The following TBC1D22A variants were observed in gnomAD, a reference collection of about 807,000 sequenced individuals.
The protein encoded by TBC1D22A is TBC1 domain family member 22A, also known as putative GTPase activator.
TBC1D22A carries 38 observed loss-of-function variants against 60.2 expected under a neutral mutation model. That is an observed-to-expected ratio of 0.63 (90% CI 0.49 to 0.83). The LOEUF (loss-of-function observed/expected upper bound fraction) is 0.83, where lower values mean the gene tolerates loss of function less well. Ranked by LOEUF, TBC1D22A falls within the 40% of genes least tolerant of loss-of-function variation. TBC1D22A has a pLI of 0.00. For missense variants in TBC1D22A, 628 were observed against 701.0 expected (o/e 0.90, Z 1.18); for synonymous variants, 302 against 281.7 (o/e 1.07, Z -0.72).
At chr22:46,920,931 C>T (rs1441595269) in intron 8 of TBC1D22A, among the ~76,000 whole-genome samples, 10 of 151,730 alleles carry the variant, frequency 6.6e-5, no homozygotes, top group Admixed American at 1.3e-4. Context: ...CCACCATGCC[C>T]GGCTAATTTT....
chr22:47,068,283 A>G (rs2063848036), intron 11 of TBC1D22A, among the ~76,000 whole-genome samples: 1 of 152,350 alleles, frequency 6.6e-6, no homozygotes, highest in East Asian at 1.9e-4. Flanking sequence ...CTCTGCCGGC[A>G]TCATTGGGTA....
intron 1 of TBC1D22A, among the ~76,000 whole-genome samples, chr22:46,765,671 C>A (rs780533945): frequency 2.0e-5 from 3 of 151,746 alleles, no homozygotes; most frequent in Non-Finnish European, 2.9e-5. Flanking sequence ...TTCGCCATGT[C>A]GGCCAGGCTA....
chr22:46,917,909 G>C (rs76427997), intron 8 of TBC1D22A, among the ~76,000 whole-genome samples: 212 of 152,284 alleles, frequency 1.4e-3, no homozygotes, highest in African/African-American at 4.7e-3. Flanking sequence ...AGTCCAGGTG[G>C]CTCCTGCTGC....
intron 8 of TBC1D22A, among the ~76,000 whole-genome samples, chr22:46,942,008 C>CATATATAT (rs1555960665): frequency 1.5e-5 from 2 of 133,630 alleles, no homozygotes; most frequent in Non-Finnish European, 3.2e-5. Context: ...CACCAGCATA[C>CATATATAT]ATATATATAT....
chr22:46,793,645 C>T lies in TBC1D22A; in HGVS notation c.264C>T (p.Ser88=), dbSNP rs768287353. 7 of 1,613,568 alleles carry T rather than the reference C, an allele frequency of 4.3e-6. No individual in the cohort carries two copies. Among genetic ancestry groups the T allele is most frequent in the Non-Finnish European group, 5.9e-6 (7 of 1,180,048 alleles). The part of the protein sequence containing the change: ...DDELLAMAAE[S]LNSEVVMETA... ...AGCTCCTGGCCATGGCGGCGGAGAG[C>T]CTGAACTCCGAGGTGGTCATGGAGA... Residue 88 remains serine (S), a synonymous_variant, in exon 3 of 13, where the codon AGC becomes AGT. Transcript: ENST00000337137.
intron 12 of TBC1D22A, among the ~76,000 whole-genome samples, chr22:47,118,672 C>T (rs2066159891): frequency 6.6e-6 from 1 of 151,946 alleles, no homozygotes; most frequent in African/African-American, 2.4e-5. Flanking sequence ...TGTAGAATTC[C>T]TAAGTACATC....
intron 12 of TBC1D22A, among the ~76,000 whole-genome samples, chr22:47,114,777 C>G (rs1194305826): frequency 6.6e-6 from 1 of 152,126 alleles, no homozygotes; most frequent in Non-Finnish European, 1.5e-5. Flanking sequence ...GAATCCTTTT[C>G]TGATTCCCAG....
intron 12 of TBC1D22A, among the ~76,000 whole-genome samples, chr22:47,133,517 G>A (rs2066753761): frequency 6.6e-6 from 1 of 152,210 alleles, no homozygotes; most frequent in African/African-American, 2.4e-5. Context: ...CAATGCCGTT[G>A]TGAAATTCTG....
chr22:47,122,800 G>C (rs936505439), intron 12 of TBC1D22A, among the ~76,000 whole-genome samples: 5 of 152,322 alleles, frequency 3.3e-5, no homozygotes, highest in African/African-American at 1.2e-4. Flanking sequence ...CCCTGGCCTC[G>C]GAAGCTGGTG....
At chr22:47,164,734 C>T (rs2068130312) in intron 12 of TBC1D22A, among the ~76,000 whole-genome samples, 2 of 152,188 alleles carry the variant, frequency 1.3e-5, no homozygotes, top group South Asian at 4.1e-4. Flanking sequence ...TCACTGGGGT[C>T]GCTCCGCTGG....
At chr22:47,113,197 C>T (rs1047437746) in intron 12 of TBC1D22A, among the ~76,000 whole-genome samples, 8 of 152,242 alleles carry the variant, frequency 5.3e-5, no homozygotes, top group African/African-American at 1.9e-4. Flanking sequence ...TTGGTTCCCA[C>T]CGGCCAGCAC....
At chr22:46,828,526 T>G (rs774909931) in intron 4 of TBC1D22A, among the ~76,000 whole-genome samples, 2 of 152,248 alleles carry the variant, frequency 1.3e-5, no homozygotes, top group Non-Finnish European at 2.9e-5. Context: ...CTGGGCCGCT[T>G]TGGGAGTCTC....
At chr22:46,860,458 T>C (rs534090716) in intron 4 of TBC1D22A, among the ~76,000 whole-genome samples, 9 of 55,298 alleles carry the variant, frequency 1.6e-4, no homozygotes, top group Middle Eastern at 8.1e-3. Flanking sequence ...TCCTTTTCCA[T>C]AGAGGTCCGC....
chr22:46,910,387 CCAGT>C (rs1237908360), intron 7 of TBC1D22A, among the ~76,000 whole-genome samples: 1 of 152,084 alleles, frequency 6.6e-6, no homozygotes, highest in Admixed American at 6.6e-5. Flanking sequence ...CCTACCAAGC[CCAGT>C]AAGATTTAGG....
At chr22:47,019,597 T>A (rs1461608558) in intron 10 of TBC1D22A, among the ~76,000 whole-genome samples, 1 of 150,890 alleles carries the variant, frequency 6.6e-6, no homozygotes, top group Non-Finnish European at 1.5e-5. Flanking sequence ...GAATCAGCAG[T>A]GGGGGCTGTG....
intron 3 of TBC1D22A, 72 bp downstream of exon 3, chr22:46,793,913 T>A: frequency 1.5e-6 from 2 of 1,373,082 alleles, no homozygotes; most frequent in East Asian, 5.0e-5. Flanking sequence ...ACACACTCAC[T>A]GTGGGAGAAT....
chr22:46,923,467 G>T lies in TBC1D22A; in HGVS notation c.1015+11279G>T, dbSNP rs542552308. The stretch of plus-strand genomic sequence containing the variant: ...CCATCTCTTGCCCCGCCCAGGGCTG[G>T]GCCTCGAAGGTAGCCTGGGTCTCTT... On this transcript the variant is annotated intron_variant, in intron 8 of 12. Coordinates refer to ENST00000337137, the MANE Select transcript of TBC1D22A (RefSeq NM_014346.5). Among the ~76,000 whole-genome samples the T allele has an allele frequency of 1.4e-4, 21 of 152,352 alleles. No individual in the cohort carries two copies. In the East Asian group the frequency reaches 3.9e-3, roughly 28 times the overall value.
intron 12 of TBC1D22A, among the ~76,000 whole-genome samples, chr22:47,133,001 G>A (rs543995335): frequency 6.6e-6 from 1 of 152,316 alleles, no homozygotes; most frequent in South Asian, 2.1e-4. Context: ...AGCCACCACC[G>A]TCTCAGGGAG....
At chr22:47,060,862 C>T (rs2063548888) in intron 11 of TBC1D22A, among the ~76,000 whole-genome samples, 1 of 152,220 alleles carries the variant, frequency 6.6e-6, no homozygotes, top group African/African-American at 2.4e-5. Context: ...TCCATTAGCG[C>T]CATGCCGCTC....
Sources: gnomAD v4.1 joint callset for allele counts (sites outside exome capture counted in the v4.1 genomes callset) on GRCh38, gnomAD v4.1.1 for gene constraint, MANE v1.5 for transcripts, NCBI Gene and HGNC (gene_info 2026-07-23, HGNC 2026-07-21) for gene names.